The following C2 variants were observed in gnomAD, a reference collection of about 807,000 sequenced individuals.
The protein encoded by C2 is C3/C5 convertase.
A neutral mutation model predicts 85.2 loss-of-function variants in C2; 64 were observed. That is an observed-to-expected ratio of 0.75 (90% confidence interval 0.61 to 0.92). C2 has a LOEUF of 0.92. Ranked by LOEUF, C2 falls within the 40% of genes least tolerant of loss-of-function variation. The probability of loss-of-function intolerance (pLI) is 0.00; values close to 1 mark genes in which losing one functional copy is unlikely to be tolerated. For synonymous variants in C2, 311 were observed against 370.8 expected, an observed-to-expected ratio of 0.84 and a Z score of 1.85; for missense variants, 820 against 971.6, an observed-to-expected ratio of 0.84 and a Z score of 2.07.
chr6:31,900,763 C>G, upstream of C2: 1 of 1,588,700 alleles, frequency 6.3e-7, no homozygotes, highest in South Asian at 1.1e-5. The surrounding 1 kb of genome is among the most constrained non-coding windows in gnomAD (Gnocchi z 9.7). Context: ...GGAACTCCAG[C>G]TTCACTGGCC....
chr6:31,939,203 G>A, intron 8 of C2, 28 bp from the exon 9 acceptor site: 1 of 1,515,330 alleles, frequency 6.6e-7, no homozygotes, highest in African/African-American at 1.4e-5. Context: ...ATATTACCTA[G>A]AAGAATTCTT....
chr6:31,922,647 G>A lies in C2; in HGVS notation c.-100+2621G>A, dbSNP rs186428756. ...ACCTGAGGTCAGGAGTTTGAGACCA[G>A]CCTGACCAGCATGGTGAAACCCCAT... On this transcript the variant is annotated intron_variant, in intron 1 of 3. Coordinates refer to the C2 transcript ENST00000413154. This position sits in a 1 kb window ranked among gnomAD's most constrained non-coding sequence, Gnocchi z 4.8. Among the ~76,000 whole-genome samples the A allele has an allele frequency of 3.3e-4, 50 of 152,240 alleles. 1 individual carries two copies. The East Asian group carries it at 8.5e-3, about 26-fold the overall frequency.
At chr6:31,909,714 G>A (rs1269959451) in intron 1 of C2, among the ~76,000 whole-genome samples, 1 of 151,700 alleles carries the variant, frequency 6.6e-6, no homozygotes, top group African/African-American at 2.4e-5. Flanking sequence ...CTCAGCCTGG[G>A]ATCACAGGCG....
Position 31,928,148 on chromosome 6 carries a change from T to A in C2, c.240T>A (p.Ser80=). 1 of 1,610,198 alleles carries A rather than the reference T, an allele frequency of 6.2e-7. No individual in the cohort carries two copies. The highest frequency in any genetic ancestry group is 8.5e-7 in the Non-Finnish European group (1 of 1,179,640). The change falls in exon 2 of 18, where the codon TCT becomes TCA. Residue 80 remains serine, a synonymous_variant. Coordinates refer to ENST00000299367, the MANE Select transcript of C2 (RefSeq NM_000063.6). The part of the protein sequence containing the change: ...WQTPGATRSL[S]KAVCKPVRCP... ...CCCCAGGAGCCACCCGGTCTCTGTC[T>A]AAGGCGGTCTGCAAACGTGAGGCTC...
At position 31,935,944 on chromosome 6, in the gene C2, G is replaced by A; in HGVS notation, c.871G>A (p.Val291Met). ...VDRIFSFEINVSVAIITFASE... is the reference protein window; with the variant it reads ...VDRIFSFEINMSVAIITFASE... ...ACAGATCTTCAGCTTTGAGATCAATGTGAGCGTTGCCATTATCACCTTTGC... is the reference window on the plus strand; with the variant it reads ...ACAGATCTTCAGCTTTGAGATCAATATGAGCGTTGCCATTATCACCTTTGC... Residue 291 changes from valine to methionine, a missense_variant, in exon 7 of 18, where the codon GTG (valine) becomes ATG (methionine). Val to Met is a conservative substitution (Grantham distance 21). Coordinates refer to ENST00000299367, the MANE Select transcript of C2 (RefSeq NM_000063.6). This position sits in a 1 kb window ranked among gnomAD's most constrained non-coding sequence, Gnocchi z 4.3. 2 of 1,613,002 alleles carry A rather than the reference G, an allele frequency of 1.2e-6. No homozygotes were observed. Among genetic ancestry groups the A allele is most frequent in the South Asian group, 1.1e-5 (1 of 91,084 alleles).
At chr6:31,937,868 G>A (rs929589336) in intron 8 of C2, among the ~76,000 whole-genome samples, 1 of 151,958 alleles carries the variant, frequency 6.6e-6, no homozygotes, top group African/African-American at 2.4e-5. Context: ...AGCTGGGTGT[G>A]GTGGCAGGCG....
Position 31,943,988 on chromosome 6 carries a change from A to G in C2, c.1805A>G (p.Asp602Gly), listed in dbSNP as rs1441734920. The G allele has an allele frequency of 6.2e-7, 1 of 1,612,744 alleles. No individual in the cohort carries two copies. Among genetic ancestry groups the G allele is most frequent in the Admixed American group, 1.7e-5 (1 of 60,018 alleles). ...LRRPQGSTCR[D>G]HENELLNKQS... ...AGACCTCAAGGCAGCACCTGTAGGG[A>G]CCATGGTGAGTGCTGGGACTTATGG... The change falls in exon 14 of 18, where the codon GAC becomes GGC. Residue 602 changes from aspartate to glycine, a missense_variant. Coordinates refer to ENST00000299367, the MANE Select transcript of C2 (RefSeq NM_000063.6). This position sits in a 1 kb window ranked among gnomAD's most constrained non-coding sequence, Gnocchi z 6.4.
At position 31,945,404 on chromosome 6, in the gene C2, TC is replaced by T. The variant is rs761941500; in HGVS notation, c.*49del. The stretch of plus-strand genomic sequence containing the variant: ...CTGCCCTGCCAGAATCTGCCGCCCC[TC>T]CATCTTCTACCTCTGAATGGCCACC... On this transcript the variant is annotated 3_prime_UTR_variant, in exon 18 of 18. Transcript: ENST00000299367. The surrounding 1 kb of genome is among the most constrained non-coding windows in gnomAD (Gnocchi z 5.3). 1.9e-5 allele frequency: 29 copies of T among 1,566,210 alleles called. No individual in the cohort carries two copies. In the African/African-American group the frequency reaches 3.6e-4, roughly 20 times the overall value.
At chr6:31,900,640 C>T, upstream of C2, 1 of 1,612,742 alleles carries the variant, frequency 6.2e-7, no homozygotes. This position sits in a 1 kb window ranked among gnomAD's most constrained non-coding sequence, Gnocchi z 9.7. Flanking sequence ...GGGGTTTGAG[C>T]CGGTGTGCCA....
intron 1 of C2, among the ~76,000 whole-genome samples, chr6:31,907,462 G>C (rs1767783941): frequency 6.6e-6 from 1 of 150,988 alleles, no homozygotes; most frequent in Non-Finnish European, 1.5e-5. Flanking sequence ...GTTGCCTGTG[G>C]TCGCAGCTAT....
At position 31,920,573 on chromosome 6, in the gene C2, G is replaced by C. The variant is rs1382126951; in HGVS notation, c.-100+547G>C. 1.3e-5 allele frequency among the ~76,000 whole-genome samples: 2 copies of C among 152,000 alleles called. No individual in the cohort carries two copies. The highest frequency in any genetic ancestry group is 1.3e-4 in the Admixed American group (2 of 15,254). On this transcript the variant is annotated intron_variant, in intron 1 of 3. Coordinates refer to the C2 transcript ENST00000413154. The surrounding 1 kb of genome is among the most constrained non-coding windows in gnomAD (Gnocchi z 5.6). ...GTTGTGTTTACCACCCTCTTACCTGGGTTACCCAGGGCAGCTCCCCTGATG... is the reference window on the plus strand; with the variant it reads ...GTTGTGTTTACCACCCTCTTACCTGCGTTACCCAGGGCAGCTCCCCTGATG...
intron 1 of C2, chr6:31,901,315 G>T: frequency 6.2e-7 from 1 of 1,601,344 alleles, no homozygotes; most frequent in African/African-American, 1.3e-5. Flanking sequence ...TTGTGGCGGG[G>T]GTGGGCAACC....
At chr6:31,936,129 A>C in intron 7 of C2, 68 bp downstream of exon 7, 1 of 1,556,122 alleles carries the variant, frequency 6.4e-7, no homozygotes, top group South Asian at 1.1e-5. Context: ...CTGCAAACAA[A>C]TTCTGGATGA....
intron 2 of C2, 22 bp from the exon 3 acceptor site, chr6:31,928,710 C>T: frequency 6.2e-7 from 1 of 1,613,740 alleles, no homozygotes; most frequent in Non-Finnish European, 8.5e-7. Flanking sequence ...CTATATTCCC[C>T]ACCCACTTCC....
chr6:31,901,026 C>G, exon 1 of C2: 1 of 1,614,200 alleles, frequency 6.2e-7, no homozygotes, highest in Non-Finnish European at 8.5e-7. Flanking sequence ...ACAGCGAATT[C>G]CAAGGCGCCC....
intron 5 of C2, 39 bp from the exon 6 acceptor site, chr6:31,934,127 A>C: frequency 6.2e-7 from 1 of 1,609,708 alleles, no homozygotes; most frequent in Non-Finnish European, 8.5e-7. Context: ...CGCAGGAAGG[A>C]GGTGGGGATC....
Position 31,920,513 on chromosome 6 carries a change from C to T in C2, c.-100+487C>T, listed in dbSNP as rs1261934659. On this transcript the variant is annotated intron_variant, in intron 1 of 3. Transcript: ENST00000413154. The surrounding 1 kb of genome is among the most constrained non-coding windows in gnomAD (Gnocchi z 5.6). ...AATTCAGCCATAGGCCACCCCTCCC[C>T]CTGGCCCATCCTCAGCTGACCCCTG... 6.6e-6 allele frequency among the ~76,000 whole-genome samples: 1 copy of T among 152,148 alleles called. No homozygotes were observed. Among genetic ancestry groups the T allele is most frequent in the Non-Finnish European group, 1.5e-5 (1 of 68,004 alleles).
intron 2 of C2, among the ~76,000 whole-genome samples, 197 bp from the exon 3 acceptor site, chr6:31,928,535 G>A (rs772219367): frequency 8.5e-5 from 13 of 152,088 alleles, no homozygotes; most frequent in Non-Finnish European, 1.5e-4. Flanking sequence ...CAATCAGTTC[G>A]CTTAGACTCT....
chr6:31,901,147 G>A (rs1051830114), intron 1 of C2: 1 of 1,613,736 alleles, frequency 6.2e-7, no homozygotes, highest in Non-Finnish European at 8.5e-7. Flanking sequence ...AGGGTGAGCA[G>A]GCGGCCAAGA....
Sources: gnomAD v4.1 joint callset for allele counts (sites outside exome capture counted in the v4.1 genomes callset) on GRCh38, gnomAD v4.1.1 for gene constraint, Gnocchi (gnomAD v3.1) non-coding constraint, MANE v1.5 for transcripts, NCBI Gene and HGNC (gene_info 2026-07-23, HGNC 2026-07-21) for gene names.